The following LRP5 variants were observed in gnomAD, a reference collection of about 807,000 sequenced individuals.
The protein encoded by LRP5 is low-density lipoprotein receptor-related protein 5.
In LRP5, 62 loss-of-function variants were observed where a neutral mutation model predicts 154.1. The ratio of observed to expected loss-of-function variants is 0.40; its 90% confidence interval spans 0.33 to 0.50. The LOEUF is 0.50. Ranked by LOEUF, LRP5 falls within the 20% of genes least tolerant of loss-of-function variation. LRP5 has a pLI of 0.55. For synonymous variants in LRP5, 966 were observed against 1,011.5 expected, an observed-to-expected ratio of 0.96 and a Z score of 0.85; for missense variants, 1,915 against 2,336.7, an observed-to-expected ratio of 0.82 and a Z score of 3.72.
chr11:68,374,894 C>T (rs2098636492), intron 5 of LRP5, among the ~76,000 whole-genome samples: 1 of 152,236 alleles, frequency 6.6e-6, no homozygotes, highest in Non-Finnish European at 1.5e-5. Context: ...AATGGCATCT[C>T]TGGGATGGGT....
intron 18 of LRP5, among the ~76,000 whole-genome samples, chr11:68,435,862 A>T (rs2098674594): frequency 6.6e-6 from 1 of 152,160 alleles, no homozygotes; most frequent in Non-Finnish European, 1.5e-5. Flanking sequence ...AGTAGCTGGG[A>T]TTACAGGCAC....
rs543347118 is a variant in LRP5, at chr11:68,345,916, T to G, written c.92-1931T>G. 4.6e-5 allele frequency among the ~76,000 whole-genome samples: 7 copies of G among 152,288 alleles called. No homozygotes were observed. In the East Asian group the frequency reaches 7.7e-4, roughly 17 times the overall value. On this transcript the variant is annotated intron_variant, in intron 1 of 22. Coordinates refer to ENST00000294304, the MANE Select transcript of LRP5 (RefSeq NM_002335.4). ...TTTTGATTTGCATTTCCCTGATGAT[T>G]AGGGATATATTAAGCCTGTTTTGAT...
chr11:68,401,085 G>A (rs1477894552), intron 7 of LRP5, among the ~76,000 whole-genome samples: 1 of 152,184 alleles, frequency 6.6e-6, no homozygotes, highest in African/African-American at 2.4e-5. Context: ...CTCCTCTCAC[G>A]CTGGGTGTCC....
chr11:68,349,479 C>T (rs1388682156), intron 2 of LRP5, among the ~76,000 whole-genome samples: 2 of 152,224 alleles, frequency 1.3e-5, no homozygotes, highest in Non-Finnish European at 2.9e-5. Context: ...TTTGCACCTT[C>T]TCCTGGCTTT....
chr11:68,358,765 C>T (rs1481924716), intron 3 of LRP5, among the ~76,000 whole-genome samples: 3 of 152,222 alleles, frequency 2.0e-5, no homozygotes, highest in Non-Finnish European at 2.9e-5. Flanking sequence ...TACTTAATTA[C>T]CCCTTATAGA....
chr11:68,332,567 G>A (rs2153120194), intron 1 of LRP5, among the ~76,000 whole-genome samples: 1 of 152,366 alleles, frequency 6.6e-6, no homozygotes, highest in African/African-American at 2.4e-5. Context: ...GGTCCAGGAG[G>A]CCAGGTCACA....
At chr11:68,411,187 T>G (rs1279955685) in intron 10 of LRP5, among the ~76,000 whole-genome samples, 3 of 152,098 alleles carry the variant, frequency 2.0e-5, no homozygotes, top group African/African-American at 4.8e-5. Context: ...TGTCCGTAAG[T>G]GGGTATTTAC....
chr11:68,372,252 G>A (rs1378510251), intron 5 of LRP5, among the ~76,000 whole-genome samples: 1 of 150,088 alleles, frequency 6.7e-6, no homozygotes, highest in African/African-American at 2.5e-5. Flanking sequence ...AGGCAGACCC[G>A]GGACCGTGGT....
At chr11:68,313,185 G>A (rs1448807035) in intron 1 of LRP5, among the ~76,000 whole-genome samples, 1 of 151,202 alleles carries the variant, frequency 6.6e-6, no homozygotes, top group Non-Finnish European at 1.5e-5. Context: ...AGGCGGGCCT[G>A]GCCCGGGGAG....
At chr11:68,429,517 G>A (rs1208120242) in intron 16 of LRP5, 58 bp from the exon 17 acceptor site, 18 of 1,611,378 alleles carry the variant, frequency 1.1e-5, no homozygotes, top group Non-Finnish European at 1.3e-5. Flanking sequence ...CCTCCAGGCT[G>A]TGGTTCTGAG....
intron 8 of LRP5, among the ~76,000 whole-genome samples, chr11:68,405,240 G>C (rs1342948890): frequency 6.6e-6 from 1 of 151,944 alleles, no homozygotes; most frequent in African/African-American, 2.4e-5. Flanking sequence ...ACTGAGGCAG[G>C]AGGATCACTT....
rs2098620413 is a variant in LRP5 at position 68,353,428 on chromosome 11, T to C, written c.489-4222T>C. ...GCTGACTCTGTCCCTGTAGGCTCCA[T>C]GTCTCCGGAGAGGGAGAGGGAGAGG... On this transcript the variant is annotated intron_variant, in intron 2 of 22. Coordinates refer to ENST00000294304, the MANE Select transcript of LRP5 (RefSeq NM_002335.4). This position sits in a 1 kb window ranked among gnomAD's most constrained non-coding sequence, Gnocchi z 4.5. Among the ~76,000 whole-genome samples, 1 of 151,896 alleles carries C rather than the reference T, an allele frequency of 6.6e-6. No homozygotes were observed. The highest frequency in any genetic ancestry group is 2.1e-4 in the South Asian group (1 of 4,832).
chr11:68,309,627 T>C (rs565844637), upstream of LRP5, among the ~76,000 whole-genome samples: 1 of 151,994 alleles, frequency 6.6e-6, no homozygotes, highest in South Asian at 2.1e-4. Flanking sequence ...TATGTAATCA[T>C]TTCAATAACT....
chr11:68,359,026 G>C (rs2098625521), intron 3 of LRP5, among the ~76,000 whole-genome samples: 1 of 152,220 alleles, frequency 6.6e-6, no homozygotes, highest in African/African-American at 2.4e-5. Context: ...TTGAGGGCTT[G>C]GGCAGCTTTG....
intron 1 of LRP5, among the ~76,000 whole-genome samples, chr11:68,328,507 C>T (rs376677386): frequency 2.6e-5 from 4 of 152,318 alleles, no homozygotes; most frequent in Admixed American, 6.5e-5. Flanking sequence ...ACAGGGGAAA[C>T]GGCCGCTTCC....
At chr11:68,444,109 C>T (rs1189525527) in intron 21 of LRP5, among the ~76,000 whole-genome samples, 1 of 152,170 alleles carries the variant, frequency 6.6e-6, no homozygotes, top group South Asian at 2.1e-4. Flanking sequence ...CGGGGTCTAT[C>T]AGGAGGCAGA....
In LRP5 at chr11:68,449,197, A is replaced by G; in HGVS notation, c.*127A>G. 1 of 702,730 alleles carries G rather than the reference A, an allele frequency of 1.4e-6. No homozygotes were observed. The highest frequency in any genetic ancestry group is 3.2e-5 in the East Asian group (1 of 31,302). The allele number at this position is 702,730 out of a possible 1,614,324, so 43.5% of individuals were successfully genotyped here. ...GGATTTTAAAAACATGAGAAATGTG[A>G]ACTGTGATGGGGTGGGCAGGGCTGG... On this transcript the variant is annotated 3_prime_UTR_variant, in exon 23 of 23. Coordinates refer to ENST00000294304, the MANE Select transcript of LRP5 (RefSeq NM_002335.4).
At chr11:68,363,072 A>T (rs1416595030) in intron 3 of LRP5, among the ~76,000 whole-genome samples, 1 of 152,264 alleles carries the variant, frequency 6.6e-6, no homozygotes, top group Non-Finnish European at 1.5e-5. Context: ...TCTCGGGTTG[A>T]TGCCAAGTTT....
upstream of LRP5, among the ~76,000 whole-genome samples, chr11:68,310,865 G>A (rs897363441): frequency 2.3e-4 from 35 of 152,184 alleles, no homozygotes; most frequent in African/African-American, 8.4e-4. Context: ...ACTGTGGCTG[G>A]AGCAGGGTGA....
Sources: allele counts gnomAD v4.1 joint callset (sites outside exome capture counted in the v4.1 genomes callset), GRCh38; gene constraint gnomAD v4.1.1; non-coding constraint Gnocchi (gnomAD v3.1); transcripts MANE v1.5; gene names NCBI Gene and HGNC (gene_info 2026-07-23, HGNC 2026-07-21).